The following RBMS3 variants were observed in gnomAD, a reference collection of about 807,000 sequenced individuals.
The protein encoded by RBMS3 is RNA binding motif single stranded interacting protein 3.
A neutral mutation model predicts 66.8 loss-of-function variants in RBMS3; 27 were observed. The observed-to-expected ratio is 0.40, with a 90% confidence interval of 0.30 to 0.56. RBMS3 has a LOEUF of 0.56. Ranked by LOEUF, RBMS3 falls within the 20% of genes least tolerant of loss-of-function variation. The pLI is 0.40. For synonymous variants in RBMS3, 188 were observed against 183.0 expected (o/e 1.03, Z -0.22); for missense variants, 513 against 549.5 (o/e 0.93, Z 0.66).
In RBMS3 at chr3:29,884,470, C is replaced by CTCTCTCT. The variant is rs1491200120; in HGVS notation, c.791+262_791+263insTCTCTCT. On this transcript the variant is annotated intron_variant, in intron 8 of 14. Transcript: ENST00000383767. Reference sequence around the variant, plus strand: ...TCTCTCTCTCTCTCTCTCTCTCTCTCCCCCCCCGCTCCCTCCCTCCCTCCC... The same window carrying CTCTCTCT: ...TCTCTCTCTCTCTCTCTCTCTCTCTCTCTCTCTCCCCCCCGCTCCCTCCCTCCCTCCC... Among the ~76,000 whole-genome samples the CTCTCTCT allele has an allele frequency of 4.3e-4, 30 of 70,530 alleles. 1 individual carries two copies. Among genetic ancestry groups the CTCTCTCT allele is most frequent in the South Asian group, 2.6e-3 (5 of 1,892 alleles). 46.3% of individuals were successfully genotyped at this position (70,530 alleles called of 152,430 possible). A position where few individuals can be genotyped will look rare whatever the true frequency, so the allele number is the denominator to read the frequency against.
chr3:29,746,146 T>C (rs1462164116), intron 5 of RBMS3, among the ~76,000 whole-genome samples: 3 of 152,218 alleles, frequency 2.0e-5, no homozygotes, highest in Non-Finnish European at 4.4e-5. Context: ...TAAATAACAA[T>C]ACTTTATTTG....
intron 6 of RBMS3, among the ~76,000 whole-genome samples, chr3:29,814,613 G>T (rs1227983287): frequency 1.3e-5 from 2 of 152,080 alleles, no homozygotes; most frequent in African/African-American, 4.8e-5. Flanking sequence ...TCTGGTCCTG[G>T]ACTCTTTTTG....
intron 3 of RBMS3, among the ~76,000 whole-genome samples, chr3:29,563,779 C>T (rs1205335840): frequency 6.6e-6 from 1 of 151,854 alleles, no homozygotes; most frequent in Non-Finnish European, 1.5e-5. Context: ...AATCCCAGTA[C>T]TTTGGGATGC....
chr3:29,332,184 T>C (rs2035704422), intron 1 of RBMS3, among the ~76,000 whole-genome samples: 1 of 152,156 alleles, frequency 6.6e-6, no homozygotes, highest in Admixed American at 6.6e-5. Context: ...GACTGATTTA[T>C]CTCTTTTAAA....
At chr3:29,724,978 G>GA in intron 4 of RBMS3, among the ~76,000 whole-genome samples, 1 of 152,186 alleles carries the variant, frequency 6.6e-6, no homozygotes, top group Non-Finnish European at 1.5e-5. Flanking sequence ...ACTAGAAGAT[G>GA]AAAAAACTAT....
At chr3:29,601,811 C>T (rs1172722194) in intron 4 of RBMS3, among the ~76,000 whole-genome samples, 2 of 151,886 alleles carry the variant, frequency 1.3e-5, no homozygotes, top group Non-Finnish European at 2.9e-5. Flanking sequence ...TGATGATGTA[C>T]TTTTTAATTT....
chr3:29,693,534 A>T (rs2052132014), intron 4 of RBMS3, among the ~76,000 whole-genome samples: 1 of 152,170 alleles, frequency 6.6e-6, no homozygotes, highest in Admixed American at 6.5e-5. Flanking sequence ...ATTGACTATG[A>T]TCTTGGGTAA....
At chr3:29,973,530 C>T (rs75878565) in intron 12 of RBMS3, among the ~76,000 whole-genome samples, 3,745 of 151,916 alleles carry the variant, frequency 0.025, 112 homozygotes, top group African/African-American at 0.07. Flanking sequence ...GCTTTATTGC[C>T]ATAGTATATG....
At chr3:29,290,309 C>A (rs906800946) in intron 1 of RBMS3, among the ~76,000 whole-genome samples, 10 of 151,842 alleles carry the variant, frequency 6.6e-5, no homozygotes, top group African/African-American at 2.4e-4. Context: ...ATTTTGGTGA[C>A]ATTATTTGCT....
At chr3:29,442,769 T>C (rs2125741821) in intron 2 of RBMS3, among the ~76,000 whole-genome samples, 1 of 152,268 alleles carries the variant, frequency 6.6e-6, no homozygotes, top group Admixed American at 6.5e-5. Context: ...CTTATTTTAA[T>C]TAAGCTCTCT....
chr3:29,373,025 A>T (rs760675618), intron 1 of RBMS3, among the ~76,000 whole-genome samples: 2 of 152,190 alleles, frequency 1.3e-5, no homozygotes, highest in Admixed American at 1.3e-4. Context: ...AGCAGGAAAA[A>T]TTCTAAAACT....
chr3:29,517,354 G>T (rs1447463600), intron 3 of RBMS3, among the ~76,000 whole-genome samples: 4 of 136,984 alleles, frequency 2.9e-5, no homozygotes, highest in South Asian at 2.4e-4. Context: ...ACAGAGTCTC[G>T]CTCTGTTGCC....
At chr3:29,328,531 A>G (rs76130118) in intron 1 of RBMS3, among the ~76,000 whole-genome samples, 94 of 152,282 alleles carry the variant, frequency 6.2e-4, no homozygotes, top group Non-Finnish European at 1.1e-3. Flanking sequence ...TAGATGATTT[A>G]ATAAGAACTT....
At chr3:29,635,053 T>A (rs2049425397) in intron 4 of RBMS3, among the ~76,000 whole-genome samples, 1 of 151,966 alleles carries the variant, frequency 6.6e-6, no homozygotes, top group Non-Finnish European at 1.5e-5. Context: ...GTTTTACTAA[T>A]CTTCTATTGT....
intron 1 of RBMS3, among the ~76,000 whole-genome samples, chr3:29,323,795 C>A (rs374543724): frequency 2.0e-5 from 3 of 152,070 alleles, no homozygotes. Context: ...ATAATTCACA[C>A]CCCTTCTTAT....
chr3:29,766,180 TG>T (rs1183037514), intron 6 of RBMS3: 1 of 151,966 alleles, frequency 6.6e-6, no homozygotes, highest in Non-Finnish European at 1.5e-5. Context: ...GGGGAAAATG[TG>T]CCTGTGTTAT....
chr3:29,295,907 A>T (rs1350871826), intron 1 of RBMS3, among the ~76,000 whole-genome samples: 1 of 151,734 alleles, frequency 6.6e-6, no homozygotes, highest in Non-Finnish European at 1.5e-5. Context: ...TGCCATGATG[A>T]GTTTCGTATT....
intron 4 of RBMS3, among the ~76,000 whole-genome samples, chr3:29,691,947 C>CTTTTTTTTTTTTTTTTTTT (rs1218393454): frequency 1.9e-5 from 1 of 53,548 alleles, no homozygotes. Flanking sequence ...CTCTCTCTCT[C>CTTTTTTTTTTTTTTTTTTT]TATTTTTTTT....
chr3:29,871,943 G>C (rs1178129986), intron 7 of RBMS3, among the ~76,000 whole-genome samples: 3 of 152,040 alleles, frequency 2.0e-5, no homozygotes, highest in Non-Finnish European at 2.9e-5. Flanking sequence ...TTCATACACA[G>C]AAATTAGTAT....
Sources: allele counts gnomAD v4.1 joint callset (sites outside exome capture counted in the v4.1 genomes callset), GRCh38; gene constraint gnomAD v4.1.1; transcripts MANE v1.5; gene names NCBI Gene and HGNC (gene_info 2026-07-23, HGNC 2026-07-21).